The following CSTPP1 variants were observed in gnomAD, a reference collection of about 807,000 sequenced individuals.
CSTPP1 encodes UPF0705 protein C11orf49.
chr11:47,144,372 T>G, the CSTPP1 span, among the ~76,000 whole-genome samples: 1 of 152,064 alleles, frequency 6.6e-6, no homozygotes, highest in Non-Finnish European at 1.5e-5. Context: ...GTATTTGTAG[T>G]AGAGACGGGG....
the CSTPP1 span, among the ~76,000 whole-genome samples, chr11:47,065,678 G>A: frequency 6.6e-6 from 1 of 151,864 alleles, no homozygotes; most frequent in South Asian, 2.1e-4. Flanking sequence ...ATTGTAAATG[G>A]AATTGTTTTT....
At chr11:47,140,959 G>T in the CSTPP1 span, among the ~76,000 whole-genome samples, 1 of 151,966 alleles carries the variant, frequency 6.6e-6, no homozygotes, top group Non-Finnish European at 1.5e-5. Flanking sequence ...AAATTAGCCG[G>T]GCGTGTTGGC....
At chr11:47,004,289 C>A in the CSTPP1 span, 2 of 151,736 alleles carry the variant, frequency 1.3e-5, no homozygotes, top group Non-Finnish European at 2.9e-5. Context: ...AATCCTCCTG[C>A]CTCAGCTTCC....
chr11:47,057,987 C>T, the CSTPP1 span, among the ~76,000 whole-genome samples: 1 of 152,124 alleles, frequency 6.6e-6, no homozygotes, highest in East Asian at 1.9e-4. Flanking sequence ...AGGAATTTAA[C>T]AAAATCCAGC....
the CSTPP1 span, among the ~76,000 whole-genome samples, chr11:46,965,285 G>C: frequency 2.0e-5 from 3 of 147,554 alleles, no homozygotes; most frequent in African/African-American, 7.7e-5. Flanking sequence ...GAATGCAGTG[G>C]TGCAATCTCG....
the CSTPP1 span, among the ~76,000 whole-genome samples, chr11:46,963,251 GA>G: frequency 1.3e-5 from 2 of 151,354 alleles, no homozygotes; most frequent in Non-Finnish European, 2.9e-5. Flanking sequence ...TTAACTGGGG[GA>G]GTTTTGTAGA....
chr11:47,029,958 A>AAAGG, the CSTPP1 span, among the ~76,000 whole-genome samples: 1 of 150,782 alleles, frequency 6.6e-6, no homozygotes, highest in African/African-American at 2.4e-5. Flanking sequence ...AAAAAGAAAG[A>AAAGG]AAGGAAGAAA....
chr11:47,029,937 GA>G, the CSTPP1 span, among the ~76,000 whole-genome samples: 1,292 of 125,332 alleles, frequency 0.01, 22 homozygotes, highest in East Asian at 0.092. Flanking sequence ...GTCTCTACTG[GA>G]AAAAAAAAAA....
chr11:47,076,039 A>G, the CSTPP1 span, among the ~76,000 whole-genome samples: 2 of 151,900 alleles, frequency 1.3e-5, no homozygotes, highest in Admixed American at 6.6e-5. Flanking sequence ...ATGAGGAGCA[A>G]TTAGATCCCC....
At chr11:47,119,812 C>T in the CSTPP1 span, among the ~76,000 whole-genome samples, 151,869 of 151,982 alleles carry the variant, frequency 1, 75,879 homozygotes, top group Middle Eastern at 1. Context: ...GGTTTCTCCA[C>T]GTTGGTCAGG....
the CSTPP1 span, among the ~76,000 whole-genome samples, chr11:47,135,228 T>C: frequency 5.3e-5 from 8 of 152,320 alleles, no homozygotes; most frequent in South Asian, 1.7e-3. Context: ...CTCCCATTGT[T>C]TGATGTTACT....
the CSTPP1 span, among the ~76,000 whole-genome samples, chr11:47,157,446 CA>C: frequency 6.6e-6 from 1 of 152,144 alleles, no homozygotes; most frequent in Non-Finnish European, 1.5e-5. Context: ...TGTAGTTGAC[CA>C]ATTTACTGGG....
chr11:47,161,747 G>A, the CSTPP1 span: 37 of 1,458,124 alleles, frequency 2.5e-5, no homozygotes, highest in East Asian at 7.8e-4. Context: ...CTCTGCTGCT[G>A]ACAAGGTGAA....
chr11:46,937,877 T>A, the CSTPP1 span, among the ~76,000 whole-genome samples: 1 of 151,466 alleles, frequency 6.6e-6, no homozygotes, highest in Non-Finnish European at 1.5e-5. Flanking sequence ...TTTATTTTTT[T>A]AAAGACGTTT....
the CSTPP1 span, among the ~76,000 whole-genome samples, chr11:47,032,215 T>C: frequency 2.0e-5 from 3 of 152,178 alleles, no homozygotes; most frequent in Non-Finnish European, 4.4e-5. Flanking sequence ...ATAGGAAAAC[T>C]ATGGAATTTA....
the CSTPP1 span, among the ~76,000 whole-genome samples, chr11:47,042,871 T>C: frequency 3.9e-5 from 6 of 152,330 alleles, no homozygotes; most frequent in Non-Finnish European, 8.8e-5. Flanking sequence ...GCTTGGTAGG[T>C]CAAATGTTTG....
chr11:47,026,494 A>C, the CSTPP1 span, among the ~76,000 whole-genome samples: 4 of 152,228 alleles, frequency 2.6e-5, no homozygotes, highest in Non-Finnish European at 5.9e-5. Flanking sequence ...GGAAGAAATC[A>C]ATAATAAGCC....
At chr11:47,086,375 C>T in the CSTPP1 span, among the ~76,000 whole-genome samples, 1 of 151,776 alleles carries the variant, frequency 6.6e-6, no homozygotes, top group Non-Finnish European at 1.5e-5. Flanking sequence ...CACTGCACTC[C>T]AGCCTGTGTG....
chr11:47,144,205 T>C, the CSTPP1 span, among the ~76,000 whole-genome samples: 1 of 152,316 alleles, frequency 6.6e-6, no homozygotes, highest in African/African-American at 2.4e-5. Flanking sequence ...TAATTTTTTT[T>C]TTAGATGAAG....
Sources: allele counts gnomAD v4.1 joint callset (sites outside exome capture counted in the v4.1 genomes callset), GRCh38; gene constraint gnomAD v4.1.1; transcripts MANE v1.5; gene names NCBI Gene and HGNC (gene_info 2026-07-23, HGNC 2026-07-21).